NALF1: variants seen among roughly 807,000 people sequenced by gnomAD.
The protein encoded by NALF1 is family with sequence similarity 155 member A.
In NALF1, 3 loss-of-function variants were observed where a neutral mutation model predicts 48.4. The observed-to-expected ratio is 0.06, with a 90% CI of 0.03 to 0.16. NALF1 has a LOEUF of 0.16. Ranked by LOEUF, NALF1 falls within the 10% of genes least tolerant of loss-of-function variation. The pLI is 1.00. For missense variants in NALF1, 526 were observed against 571.5 expected, an observed-to-expected ratio of 0.92 and a Z score of 0.81; for synonymous variants, 262 against 245.7, an observed-to-expected ratio of 1.07 and a Z score of -0.62.
At chr13:107,712,466 T>G (rs1439280891) in intron 1 of NALF1, among the ~76,000 whole-genome samples, 17 of 152,130 alleles carry the variant, frequency 1.1e-4, no homozygotes, top group Non-Finnish European at 2.4e-4. Flanking sequence ...GAGACTGAAT[T>G]AAACTGAAGC....
At chr13:107,441,427 A>G (rs1884558812) in intron 1 of NALF1, among the ~76,000 whole-genome samples, 1 of 152,220 alleles carries the variant, frequency 6.6e-6, no homozygotes, top group African/African-American at 2.4e-5. Context: ...CTTTTGCATC[A>G]GGTGATGGAG....
intron 1 of NALF1, among the ~76,000 whole-genome samples, chr13:107,722,688 T>C (rs1876020221): frequency 6.6e-6 from 1 of 152,148 alleles, no homozygotes; most frequent in Admixed American, 6.5e-5. Flanking sequence ...ACCTGGGCTA[T>C]CTCCACTCGT....
chr13:107,443,185 T>C (rs909605964), intron 1 of NALF1, among the ~76,000 whole-genome samples: 17 of 144,162 alleles, frequency 1.2e-4, no homozygotes, highest in Non-Finnish European at 2.1e-4. Context: ...TCTATCTATC[T>C]ATCTATCTAT....
intron 1 of NALF1, chr13:107,789,001 C>G (rs1392368858): frequency 6.6e-6 from 1 of 152,154 alleles, no homozygotes; most frequent in Non-Finnish European, 1.5e-5. Flanking sequence ...GTGTCTGTCA[C>G]AAGTGCCATT....
intron 1 of NALF1, among the ~76,000 whole-genome samples, chr13:107,861,669 A>G (rs752838296): frequency 3.3e-5 from 5 of 152,212 alleles, no homozygotes; most frequent in Non-Finnish European, 5.9e-5. Flanking sequence ...CTGTAGTCCC[A>G]GCTACGAGGG....
chr13:107,579,889 C>T (rs551794984), intron 1 of NALF1, among the ~76,000 whole-genome samples: 66 of 152,034 alleles, frequency 4.3e-4, no homozygotes, highest in Middle Eastern at 3.4e-3. Flanking sequence ...GTCAGTGTGG[C>T]GATTCCTCAG....
chr13:107,843,781 T>C (rs747741663), intron 1 of NALF1, among the ~76,000 whole-genome samples: 1 of 152,088 alleles, frequency 6.6e-6, no homozygotes, highest in Non-Finnish European at 1.5e-5. Flanking sequence ...AGTAGAAACA[T>C]AAGCCATCTG....
Position 107,866,639 on chromosome 13 carries a change from G to C in NALF1, c.-43C>G. On this transcript the variant is annotated 5_prime_UTR_variant, in exon 1 of 3. Transcript: ENST00000375915. This position sits in a 1 kb window ranked among gnomAD's most constrained non-coding sequence, Gnocchi z 4.4. ...CCCTGGCCGACTCCACCGTGAGGGC[G>C]CCTGTGCCGGTGTCACCACAATATG... The C allele has an allele frequency of 2.0e-6, 3 of 1,534,894 alleles. No homozygotes were observed. The highest frequency in any genetic ancestry group is 2.6e-6 in the Non-Finnish European group (3 of 1,138,620).
At chr13:107,620,230 A>G (rs946474141) in intron 1 of NALF1, among the ~76,000 whole-genome samples, 3 of 152,190 alleles carry the variant, frequency 2.0e-5, no homozygotes, top group African/African-American at 7.2e-5. Context: ...GGTGAGCCAG[A>G]GAAGAGATTT....
chr13:107,769,270 G>C lies in NALF1; in HGVS notation c.915+96412C>G, dbSNP rs1387143388. Among the ~76,000 whole-genome samples, 363 of 149,306 alleles carry C rather than the reference G, an allele frequency of 2.4e-3. 3 individuals carry two copies. Among genetic ancestry groups the C allele is most frequent in the African/African-American group, 8.8e-3 (355 of 40,540 alleles). On this transcript the variant is annotated intron_variant, in intron 1 of 2. Coordinates refer to ENST00000375915, the MANE Select transcript of NALF1 (RefSeq NM_001080396.3). ...GTTTACTGCAGCACTCTTCACAATA[G>C]CAAAGACTTGGAACCAACCCAAATG...
chr13:107,370,376 C>T (rs548932713), intron 1 of NALF1, among the ~76,000 whole-genome samples: 1 of 152,142 alleles, frequency 6.6e-6, no homozygotes, highest in Non-Finnish European at 1.5e-5. Context: ...TACAAACAGG[C>T]TCTTGCAAAG....
intron 2 of NALF1, among the ~76,000 whole-genome samples, chr13:107,207,469 C>T (rs761825774): frequency 4.6e-5 from 7 of 152,168 alleles, no homozygotes; most frequent in South Asian, 4.1e-4. Context: ...TTTCCTTAGA[C>T]GCATGACAAG....
chr13:107,567,932 A>C (rs11617953), intron 1 of NALF1, among the ~76,000 whole-genome samples: 45,441 of 151,938 alleles, frequency 0.3, 7,294 homozygotes, highest in Admixed American at 0.39. Context: ...ATAGTGATCC[A>C]AGTTGTTATT....
At chr13:107,470,712 G>C (rs1885086557) in intron 1 of NALF1, among the ~76,000 whole-genome samples, 1 of 152,080 alleles carries the variant, frequency 6.6e-6, no homozygotes, top group African/African-American at 2.4e-5. Context: ...ATACGATGAA[G>C]ACATGAAAAA....
chr13:107,350,652 A>G (rs1368777983), intron 1 of NALF1, among the ~76,000 whole-genome samples: 1 of 152,222 alleles, frequency 6.6e-6, no homozygotes, highest in East Asian at 1.9e-4. Flanking sequence ...ATTGAGGTAG[A>G]ATGATTCTAA....
chr13:107,463,903 A>C (rs376861294), intron 1 of NALF1, among the ~76,000 whole-genome samples: 1 of 152,190 alleles, frequency 6.6e-6, no homozygotes, highest in Non-Finnish European at 1.5e-5. Context: ...TGCCCTTGGG[A>C]AGTTCATAAT....
intron 1 of NALF1, among the ~76,000 whole-genome samples, chr13:107,860,680 A>C (rs1041543991): frequency 6.6e-6 from 1 of 152,264 alleles, no homozygotes; most frequent in Non-Finnish European, 1.5e-5. Flanking sequence ...TGTGAGAGCA[A>C]CACAGCGGAT....
At chr13:107,365,682 C>T (rs190422128) in intron 1 of NALF1, among the ~76,000 whole-genome samples, 7 of 152,330 alleles carry the variant, frequency 4.6e-5, no homozygotes, top group Non-Finnish European at 7.3e-5. Context: ...TCCCTGTAAT[C>T]TCATTCCATT....
At chr13:107,851,862 G>T (rs1271969962) in intron 1 of NALF1, among the ~76,000 whole-genome samples, 1 of 125,286 alleles carries the variant, frequency 8.0e-6, no homozygotes, top group Non-Finnish European at 1.6e-5. Flanking sequence ...AGGCTTGAGT[G>T]CAGCGGGACA....
Sources: allele counts gnomAD v4.1 joint callset (sites outside exome capture counted in the v4.1 genomes callset), GRCh38; gene constraint gnomAD v4.1.1; non-coding constraint Gnocchi (gnomAD v3.1); transcripts MANE v1.5; gene names NCBI Gene and HGNC (gene_info 2026-07-23, HGNC 2026-07-21).